Variants in CACNA1C observed in about 807,000 individuals in gnomAD.
CACNA1C encodes the protein voltage-dependent L-type calcium channel subunit alpha-1C.
A neutral mutation model predicts 229.0 loss-of-function variants in CACNA1C; 30 were observed. That is an observed-to-expected ratio of 0.13 (90% CI 0.10 to 0.18). The LOEUF (loss-of-function observed/expected upper bound fraction) is 0.18, where lower values mean the gene tolerates loss of function less well. CACNA1C is among the 10% of genes least tolerant of loss of function. CACNA1C has a pLI of 1.00. For synonymous variants in CACNA1C, 1,114 were observed against 1,132.5 expected, an observed-to-expected ratio of 0.98 and a Z score of 0.33; for missense variants, 1,658 against 2,845.0, an observed-to-expected ratio of 0.58 and a Z score of 9.49.
chr12:2,138,257 C>T lies in CACNA1C; in HGVS notation c.477+17827C>T, dbSNP rs567291295. ...CCAGGAGGAGACCTCACGTCTGCAC[C>T]GAGGCTTCATCAGATCTGACTGGAA... On this transcript the variant is annotated intron_variant, in intron 3 of 46. Coordinates refer to ENST00000399655, the MANE Select transcript of CACNA1C (RefSeq NM_000719.7). Among the ~76,000 whole-genome samples the T allele has an allele frequency of 7.1e-4, 108 of 151,292 alleles. 4 individuals are homozygous for T. The highest frequency in any genetic ancestry group is 1.2e-3 in the Non-Finnish European group (80 of 67,568).
intron 5 of CACNA1C, among the ~76,000 whole-genome samples, chr12:2,483,522 G>A (rs183011413): frequency 6.6e-6 from 1 of 152,274 alleles, no homozygotes; most frequent in African/African-American, 2.4e-5. Flanking sequence ...CTTCTTCCCT[G>A]TGTTCTGCAA....
chr12:2,299,340 C>T (rs912274402), intron 3 of CACNA1C, among the ~76,000 whole-genome samples: 11 of 152,098 alleles, frequency 7.2e-5, no homozygotes, highest in African/African-American at 1.9e-4. Context: ...TGAGGCCCAC[C>T]GGGCTAAACT....
In CACNA1C at chr12:2,679,329, G is replaced by A. The variant is rs2097000957; in HGVS notation, c.5092-115G>A. ...CCAGCAGGGCTGTGCCTACCCGAAA[G>A]AAGGCAGCCCGCCTTCCCAGGCCCT... is the stretch of plus-strand genomic sequence containing the variant. On this transcript the variant is annotated intron_variant, in intron 41 of 46. Transcript: ENST00000399655. This position sits in a 1 kb window ranked among gnomAD's most constrained non-coding sequence, Gnocchi z 5.5. 2.7e-6 allele frequency: 2 copies of A among 754,558 alleles called. No individual in the cohort carries two copies. Among genetic ancestry groups the A allele is most frequent in the Non-Finnish European group, 4.2e-6 (2 of 479,096 alleles). The allele number at this position is 754,558 out of a possible 1,614,324, so 46.7% of individuals were successfully genotyped here.
At chr12:2,446,255 A>T (rs1006851734) in intron 3 of CACNA1C, among the ~76,000 whole-genome samples, 6 of 138,872 alleles carry the variant, frequency 4.3e-5, no homozygotes, top group Non-Finnish European at 9.3e-5. Flanking sequence ...GGATAGATGG[A>T]TAGCTGAATA....
chr12:2,500,945 GC>G (rs1273393152), intron 7 of CACNA1C, among the ~76,000 whole-genome samples: 1 of 151,964 alleles, frequency 6.6e-6, no homozygotes, highest in Non-Finnish European at 1.5e-5. Flanking sequence ...AGTGGCTCAT[GC>G]CTGTAATCCC....
intron 3 of CACNA1C, among the ~76,000 whole-genome samples, chr12:2,243,337 G>A (rs1235171905): frequency 6.6e-6 from 1 of 152,184 alleles, no homozygotes; most frequent in African/African-American, 2.4e-5. Context: ...TTGAATCATA[G>A]GAAAGTGGAG....
intron 11 of CACNA1C, among the ~76,000 whole-genome samples, chr12:2,565,586 T>G (rs977909230): frequency 2.6e-5 from 4 of 152,108 alleles, no homozygotes; most frequent in Non-Finnish European, 4.4e-5. Context: ...TAGGTAATTC[T>G]GTGTGTAGCC....
At chr12:2,290,762 C>A (rs2093406538) in intron 3 of CACNA1C, among the ~76,000 whole-genome samples, 1 of 152,162 alleles carries the variant, frequency 6.6e-6, no homozygotes, top group African/African-American at 2.4e-5. Context: ...GTCAAGGACT[C>A]CTACCAGCGT....
At chr12:2,619,066 T>G (rs762781894) in intron 29 of CACNA1C, among the ~76,000 whole-genome samples, 1 of 152,178 alleles carries the variant, frequency 6.6e-6, no homozygotes, top group Non-Finnish European at 1.5e-5. Context: ...CATCATCCAC[T>G]GACCCCAGAT....
Position 2,549,916 on chromosome 12 carries a change from G to T in CACNA1C, c.1391-27G>T, listed in dbSNP as rs11062272. 362,062 of 1,531,878 alleles carry T rather than the reference G, an allele frequency of 0.24. 44,904 individuals carry two copies. Among genetic ancestry groups the T allele is most frequent in the African/African-American group, 0.43 (31,711 of 73,272 alleles). The allele number at this position is 1,531,878 out of a possible 1,614,324, so 94.9% of individuals were successfully genotyped here. The stretch of plus-strand genomic sequence containing the variant: ...CCTTGTCTCCCCACCCTCAATGCCT[G>T]GCTCTGCTTCCCTTTGACTCTTGCA... On this transcript the variant is annotated intron_variant, in intron 9 of 46. Transcript: ENST00000399655.
At chr12:2,317,729 T>A (rs1256187048) in intron 3 of CACNA1C, among the ~76,000 whole-genome samples, 2 of 152,156 alleles carry the variant, frequency 1.3e-5, no homozygotes, top group East Asian at 3.8e-4. Flanking sequence ...TGAATCCAGA[T>A]GAACAGAAGA....
chr12:2,468,050 A>G (rs891696462), intron 5 of CACNA1C, among the ~76,000 whole-genome samples: 1 of 152,232 alleles, frequency 6.6e-6, no homozygotes, highest in African/African-American at 2.4e-5. Context: ...TAGGAAGGGA[A>G]GAGGCCCGCC....
chr12:2,657,690 G>C (rs1026163360), intron 34 of CACNA1C, among the ~76,000 whole-genome samples: 6 of 152,262 alleles, frequency 3.9e-5, no homozygotes, highest in Middle Eastern at 3.4e-3. Context: ...TAGATACTCT[G>C]ATGTTGGCTT....
chr12:2,006,636 C>T (rs538988937), intron 1 of CACNA1C, among the ~76,000 whole-genome samples: 1 of 152,208 alleles, frequency 6.6e-6, no homozygotes, highest in South Asian at 2.1e-4. Context: ...GCAATATAAT[C>T]TTTGCAGTCA....
At chr12:2,436,608 G>T (rs1289127170) in intron 3 of CACNA1C, among the ~76,000 whole-genome samples, 3 of 152,204 alleles carry the variant, frequency 2.0e-5, no homozygotes, top group African/African-American at 4.8e-5. Flanking sequence ...AGCAGCATTT[G>T]TCTTCCAGTG....
chr12:2,121,671 G>A (rs184881691), intron 3 of CACNA1C, among the ~76,000 whole-genome samples: 29 of 152,314 alleles, frequency 1.9e-4, no homozygotes, highest in Non-Finnish European at 1.0e-4. Context: ...CATCCGAAGC[G>A]TGACCTCATC....
In CACNA1C at chr12:2,370,731, AG is replaced by A. The variant is rs2097844987; in HGVS notation, c.478-78244del. ...ATTAGAAATGCTAAGTTATGGGCTC[AG>A]CCTCAAAAAATAGGAATGAAAGAGG... On this transcript the variant is annotated intron_variant, in intron 3 of 46. Coordinates refer to ENST00000399655, the MANE Select transcript of CACNA1C (RefSeq NM_000719.7). Among the ~76,000 whole-genome samples the A allele has an allele frequency of 2.0e-5, 3 of 152,244 alleles. No homozygotes were observed. The South Asian group carries it at 6.2e-4, about 31-fold the overall frequency.
At chr12:2,611,671 G>A (rs561829457) in intron 28 of CACNA1C, among the ~76,000 whole-genome samples, 2 of 152,074 alleles carry the variant, frequency 1.3e-5, no homozygotes, top group Admixed American at 6.5e-5. Context: ...AAGTTGTCAC[G>A]GCCAACCAGG....
At chr12:2,051,331 GT>G (rs1365892711), upstream of CACNA1C, among the ~76,000 whole-genome samples, 1 of 152,240 alleles carries the variant, frequency 6.6e-6, no homozygotes, top group African/African-American at 2.4e-5. Context: ...GGGGACAGCA[GT>G]AGGAGATGAT....
Sources: gnomAD v4.1 joint callset for allele counts (sites outside exome capture counted in the v4.1 genomes callset) on GRCh38, gnomAD v4.1.1 for gene constraint, Gnocchi (gnomAD v3.1) non-coding constraint, MANE v1.5 for transcripts, NCBI Gene and HGNC (gene_info 2026-07-23, HGNC 2026-07-21) for gene names.